Variants in ATG7 observed in about 807,000 individuals in gnomAD.
ATG7 encodes ubiquitin-like modifier-activating enzyme ATG7.
Under a neutral mutation model 82.4 loss-of-function variants are expected in ATG7, and 70 were observed. That is an observed-to-expected ratio of 0.85 (90% CI 0.70 to 1.04). The LOEUF is 1.04. Ranked by LOEUF, ATG7 falls within the 50% of genes least tolerant of loss-of-function variation. ATG7 has a pLI of 0.00. For missense variants in ATG7, 792 were observed against 864.3 expected (o/e 0.92, Z 1.05); for synonymous variants, 287 against 313.0 (o/e 0.92, Z 0.88).
intron 11 of ATG7, among the ~76,000 whole-genome samples, chr3:11,336,953 G>C (rs1952604293): frequency 1.3e-5 from 2 of 152,196 alleles, no homozygotes; most frequent in Admixed American, 6.5e-5. Context: ...GACTACAGGT[G>C]TGAGCTACCT....
intron 14 of ATG7, among the ~76,000 whole-genome samples, chr3:11,353,027 T>G (rs923166806): frequency 2.0e-5 from 3 of 152,244 alleles, no homozygotes; most frequent in Non-Finnish European, 2.9e-5. Context: ...TAATGCAAGA[T>G]TATCTAATTT....
At position 11,557,357 on chromosome 3, in the gene ATG7, C is replaced by G. The variant is rs2125089348; in HGVS notation, c.*2514C>G. The G allele has an allele frequency of 6.5e-6, 1 of 152,918 alleles. No homozygotes were observed. Among genetic ancestry groups the G allele is most frequent in the East Asian group, 1.9e-4 (1 of 5,320 alleles). The allele number at this position is 152,918 out of a possible 1,614,324, so 9.5% of individuals were successfully genotyped here. On this transcript the variant is annotated 3_prime_UTR_variant, in exon 21 of 21. Coordinates refer to ENST00000693202, the MANE Select transcript of ATG7 (RefSeq NM_001349232.2). The stretch of plus-strand genomic sequence containing the variant: ...GATTGTCTGTCAGTAATCTGCTGTT[C>G]AGCCAAGAGAGTTCAAAGGGAGCAG...
intron 13 of ATG7, among the ~76,000 whole-genome samples, chr3:11,344,234 C>A (rs1363639218): frequency 6.6e-6 from 1 of 152,102 alleles, no homozygotes; most frequent in East Asian, 1.9e-4. Flanking sequence ...ACACTTATAT[C>A]TTCCTTTTCC....
At chr3:11,365,512 A>T (rs1208775540) in intron 18 of ATG7, among the ~76,000 whole-genome samples, 1 of 151,068 alleles carries the variant, frequency 6.6e-6, no homozygotes, top group African/African-American at 2.4e-5. Context: ...TTTGGAAATC[A>T]TTTTTTTTTA....
intron 20 of ATG7, among the ~76,000 whole-genome samples, chr3:11,542,309 C>T (rs1410587680): frequency 6.6e-6 from 1 of 152,156 alleles, no homozygotes; most frequent in Admixed American, 6.5e-5. Context: ...AGGGAGGGTG[C>T]CAAATATAGC....
chr3:11,476,856 C>G (rs80124235), intron 20 of ATG7, among the ~76,000 whole-genome samples: 1 of 152,144 alleles, frequency 6.6e-6, no homozygotes, highest in African/African-American at 2.4e-5. Context: ...CAAAACATGA[C>G]TCCACTCCCT....
chr3:11,341,131 T>C (rs536496031), intron 12 of ATG7, among the ~76,000 whole-genome samples: 1 of 143,656 alleles, frequency 7.0e-6, no homozygotes, highest in South Asian at 2.5e-4. Flanking sequence ...GCGCAATCTC[T>C]GCTCACTGCA....
chr3:11,309,965 A>G (rs1948391631), intron 7 of ATG7, among the ~76,000 whole-genome samples: 2 of 152,080 alleles, frequency 1.3e-5, no homozygotes, highest in African/African-American at 2.4e-5. Context: ...CTTGAGGCCA[A>G]GAGTTTGAGA....
intron 20 of ATG7, among the ~76,000 whole-genome samples, chr3:11,492,324 C>T (rs1575015623): frequency 6.6e-6 from 1 of 152,336 alleles, no homozygotes; most frequent in South Asian, 2.1e-4. Context: ...CTTCGGCTCG[C>T]ACACGGTGCT....
chr3:11,529,770 G>C (rs921285444), intron 20 of ATG7: 1 of 152,448 alleles, frequency 6.6e-6, no homozygotes, highest in African/African-American at 2.4e-5. Flanking sequence ...GGTAGCAGTG[G>C]GAGGGGACAG....
At chr3:11,415,457 C>T (rs1453608084) in intron 19 of ATG7, among the ~76,000 whole-genome samples, 7 of 152,288 alleles carry the variant, frequency 4.6e-5, no homozygotes, top group African/African-American at 1.4e-4. Context: ...ACTTTTTTTA[C>T]TCTTTTGTAA....
intron 20 of ATG7, among the ~76,000 whole-genome samples, chr3:11,550,055 T>TC (rs1332912312): frequency 6.6e-6 from 1 of 152,220 alleles, no homozygotes; most frequent in Non-Finnish European, 1.5e-5. Context: ...TCCCCAAAAA[T>TC]CAAGTTTTTG....
chr3:11,559,890 A>AATT (rs138640984), downstream of ATG7, among the ~76,000 whole-genome samples: 2,095 of 152,290 alleles, frequency 0.014, 54 homozygotes, highest in African/African-American at 0.047. Context: ...AATACACGGC[A>AATT]ATTAACTGGA....
intron 5 of ATG7, among the ~76,000 whole-genome samples, chr3:11,302,655 A>T (rs1946974468): frequency 6.6e-6 from 1 of 152,322 alleles, no homozygotes; most frequent in South Asian, 2.1e-4. Context: ...AGGAAAACTT[A>T]TTGATTGCTT....
At chr3:11,515,693 T>TTC (rs144625228) in intron 20 of ATG7, among the ~76,000 whole-genome samples, 2,196 of 151,508 alleles carry the variant, frequency 0.014, 36 homozygotes, top group East Asian at 0.07. Context: ...TGTTCTCTCT[T>TTC]TCTCTCTCTC....
intron 1 of ATG7, chr3:11,272,774 G>A (rs1446073753): frequency 6.6e-6 from 1 of 152,234 alleles, no homozygotes; most frequent in African/African-American, 2.4e-5. Context: ...TTCCCAGCCT[G>A]GCTGTGTCTG....
intron 18 of ATG7, among the ~76,000 whole-genome samples, chr3:11,365,991 G>C (rs1412935638): frequency 1.3e-5 from 2 of 151,996 alleles, no homozygotes; most frequent in Admixed American, 1.3e-4. Context: ...AGGCCGAGGC[G>C]GGTGGATCAC....
At chr3:11,374,215 A>C (rs2077226874) in intron 18 of ATG7, among the ~76,000 whole-genome samples, 1 of 152,214 alleles carries the variant, frequency 6.6e-6, no homozygotes, top group Non-Finnish European at 1.5e-5. Context: ...ACTTAGTACA[A>C]ATCTACTGTA....
chr3:11,336,744 C>T (rs1952563061), intron 11 of ATG7, among the ~76,000 whole-genome samples: 1 of 152,172 alleles, frequency 6.6e-6, no homozygotes, highest in South Asian at 2.1e-4. Context: ...AAAATCATAG[C>T]TCACTGCAGC....
Sources: allele counts gnomAD v4.1 joint callset (sites outside exome capture counted in the v4.1 genomes callset), GRCh38; gene constraint gnomAD v4.1.1; transcripts MANE v1.5; gene names NCBI Gene and HGNC (gene_info 2026-07-23, HGNC 2026-07-21).